The following DUOXA1 variants were observed in gnomAD, a reference collection of about 807,000 sequenced individuals.
DUOXA1 encodes the protein dual oxidase activator 1.
DUOXA1 carries 19 observed loss-of-function variants against 26.6 expected under a neutral mutation model. The observed-to-expected ratio is 0.71, with a 90% CI of 0.50 to 1.05. DUOXA1 has a LOEUF of 1.05. Ranked by LOEUF, DUOXA1 falls within the 50% of genes least tolerant of loss-of-function variation. DUOXA1 has a pLI of 0.00. For synonymous variants in DUOXA1, 166 were observed against 177.0 expected, an observed-to-expected ratio of 0.94 and a Z score of 0.49; for missense variants, 403 against 427.5, an observed-to-expected ratio of 0.94 and a Z score of 0.51.
chr15:45,117,666 A>T lies in DUOXA1; in HGVS notation c.*1440T>A, dbSNP rs954499576. On this transcript the variant is annotated 3_prime_UTR_variant, in exon 9 of 9. Transcript: ENST00000560572. ...AGAGTTCGAGACCAGCCTGGGCAAC[A>T]TAGCCCTGACTCCACATGCCCTCCT... 1.2e-6 allele frequency: 2 copies of T among 1,613,844 alleles called. No homozygotes were observed. The highest frequency in any genetic ancestry group is 2.2e-5 in the South Asian group (2 of 91,086).
chr15:45,128,899 G>A (rs1895915946), intron 3 of DUOXA1, 119 bp downstream of exon 3: 2 of 152,164 alleles, frequency 1.3e-5, no homozygotes, highest in East Asian at 3.9e-4. Flanking sequence ...AGCAGGAAGT[G>A]CAGCCCTAGG....
chr15:45,121,061 C>G (rs185842449), intron 6 of DUOXA1, 26 bp downstream of exon 6: 31 of 1,613,774 alleles, frequency 1.9e-5, no homozygotes, highest in South Asian at 1.8e-4. Context: ...CCTTCCCCCC[C>G]ACCACAGGTA....
At chr15:45,122,609 C>T (rs1387697030) in intron 4 of DUOXA1, among the ~76,000 whole-genome samples, 2 of 151,502 alleles carry the variant, frequency 1.3e-5, no homozygotes, top group Admixed American at 6.6e-5. Flanking sequence ...AGGCTGGCCT[C>T]GAACTCCTGG....
chr15:45,125,585 AAT>A (rs1025910850), intron 3 of DUOXA1, among the ~76,000 whole-genome samples: 1 of 152,036 alleles, frequency 6.6e-6, no homozygotes, highest in Non-Finnish European at 1.5e-5. Flanking sequence ...CTAAGTGTTA[AAT>A]CCAAAGGGCA....
At chr15:45,125,808 T>G (rs984587949) in intron 3 of DUOXA1, among the ~76,000 whole-genome samples, 1 of 152,212 alleles carries the variant, frequency 6.6e-6, no homozygotes, top group East Asian at 1.9e-4. Context: ...GGCTCTCTTC[T>G]TTTAGCAGTA....
At chr15:45,122,744 C>A in intron 4 of DUOXA1, 124 bp downstream of exon 4, 1 of 1,210,812 alleles carries the variant, frequency 8.3e-7, no homozygotes, top group South Asian at 1.7e-5. Flanking sequence ...TGCCTGGGGT[C>A]GTGGCTATCT....
At chr15:45,123,804 G>T (rs1484499616) in intron 3 of DUOXA1, among the ~76,000 whole-genome samples, 1 of 152,206 alleles carries the variant, frequency 6.6e-6, no homozygotes, top group Non-Finnish European at 1.5e-5. Flanking sequence ...AACGCTAGCT[G>T]TGGTCTTCTC....
intron 3 of DUOXA1, among the ~76,000 whole-genome samples, chr15:45,126,155 C>T (rs1048268137): frequency 2.0e-5 from 3 of 152,212 alleles, no homozygotes; most frequent in Non-Finnish European, 4.4e-5. Flanking sequence ...CCAAGCTCAT[C>T]CTCTCTTACC....
In DUOXA1 at chr15:45,120,245, T is replaced by C; in HGVS notation, c.630A>G (p.Leu210=). ...ACAGCTGGAAGATGCCCGTGGCCAA[T>C]AGCATGTAGCCACCATATACCAGCA... The part of the protein sequence containing the change: ...MPVLVYGGYM[L]LATGIFQLLA... Residue 210 remains leucine (L), a synonymous_variant, in exon 8 of 9, where the codon CTA becomes CTG. Coordinates refer to ENST00000560572, the MANE Select transcript of DUOXA1 (RefSeq NM_001276266.2). 1 of 1,614,024 alleles carries C rather than the reference T, an allele frequency of 6.2e-7. No homozygotes were observed. The highest frequency in any genetic ancestry group is 8.5e-7 in the Non-Finnish European group (1 of 1,179,968).
rs1895301960 is a variant in DUOXA1, at chr15:45,122,379, A to G, written c.148-137T>C. On this transcript the variant is annotated intron_variant, in intron 4 of 8. Coordinates refer to ENST00000560572, the MANE Select transcript of DUOXA1 (RefSeq NM_001276266.2). Reference sequence around the variant, plus strand: ...CAATTGAAATCAGAGTGTCTGGCACATAATAAGTGCTTATGTATTTATGTA... The same window carrying G: ...CAATTGAAATCAGAGTGTCTGGCACGTAATAAGTGCTTATGTATTTATGTA... 14 of 804,126 alleles carry G rather than the reference A, an allele frequency of 1.7e-5. 1 individual carries two copies. In the South Asian group the frequency reaches 2.1e-4, roughly 12 times the overall value. The allele number at this position is 804,126 out of a possible 1,614,324, so 49.8% of individuals were successfully genotyped here.
In DUOXA1 at chr15:45,118,758, C is replaced by T; in HGVS notation, c.*348G>A. ...ATAGGAGAATCATATGTAACCCCCACCCTGCTGGTGTTATGGGGGTGAAGT... is the reference window on the plus strand; with the variant it reads ...ATAGGAGAATCATATGTAACCCCCATCCTGCTGGTGTTATGGGGGTGAAGT... On this transcript the variant is annotated 3_prime_UTR_variant, in exon 9 of 9. Transcript: ENST00000560572. 3 of 1,029,466 alleles carry T rather than the reference C, an allele frequency of 2.9e-6. No individual in the cohort carries two copies. The South Asian group carries it at 1.4e-4, about 47-fold the overall frequency. The allele number at this position is 1,029,466 out of a possible 1,614,324, so 63.8% of individuals were successfully genotyped here.
In DUOXA1 at chr15:45,122,909, C is replaced by G; in HGVS notation, c.106G>C (p.Ala36Pro). The change falls in exon 4 of 9, where the codon GCC becomes CCC. Residue 36 changes from alanine to proline, a missense_variant. Ala to Pro is a conservative substitution (Grantham distance 27). Transcript: ENST00000560572. ...SIIMIFLTALATFIVILPGIR... is the reference protein window; with the variant it reads ...SIIMIFLTALPTFIVILPGIR... ...CCAGGCAGGATGACGATGAACGTGGCCAGTGCAGTCAGAAAGATCATGATG... is the reference window on the plus strand; with the variant it reads ...CCAGGCAGGATGACGATGAACGTGGGCAGTGCAGTCAGAAAGATCATGATG... The G allele has an allele frequency of 6.2e-7, 1 of 1,612,638 alleles. No individual in the cohort carries two copies. Among genetic ancestry groups the G allele is most frequent in the East Asian group, 2.2e-5 (1 of 44,816 alleles).
chr15:45,126,357 G>A (rs779562003), intron 3 of DUOXA1, among the ~76,000 whole-genome samples: 4 of 152,078 alleles, frequency 2.6e-5, no homozygotes, highest in East Asian at 1.9e-4. Flanking sequence ...AATCTGACAC[G>A]CTCTTTCAAG....
chr15:45,124,429 C>A (rs1453688462), intron 3 of DUOXA1, among the ~76,000 whole-genome samples: 1 of 152,144 alleles, frequency 6.6e-6, no homozygotes, highest in Non-Finnish European at 1.5e-5. Context: ...TTATCTCTTT[C>A]TTCAATCTCT....
intron 7 of DUOXA1, 126 bp from the exon 8 acceptor site, chr15:45,120,446 C>T: frequency 6.9e-7 from 1 of 1,455,554 alleles, no homozygotes; most frequent in Non-Finnish European, 9.6e-7. Flanking sequence ...GATTCCTTCC[C>T]ATGGACTTCC....
At chr15:45,120,545 G>T (rs772455041) in intron 7 of DUOXA1, 47 bp downstream of exon 7, 2 of 1,597,118 alleles carry the variant, frequency 1.3e-6, no homozygotes, top group Non-Finnish European at 1.7e-6. Context: ...CCCTGTTCCT[G>T]AATCTAGGCT....
chr15:45,123,967 G>C (rs1430486650), intron 3 of DUOXA1, among the ~76,000 whole-genome samples: 1 of 151,784 alleles, frequency 6.6e-6, no homozygotes, highest in Non-Finnish European at 1.5e-5. Flanking sequence ...AAATAAAGGG[G>C]AAAAAAAGTC....
chr15:45,117,861 C>T lies in DUOXA1; in HGVS notation c.*1245G>A, dbSNP rs374399422. Reference sequence around the variant, plus strand: ...CTCTTATCCTCGGCGACCCACTGCACAAGCAGGCCGCTCTCCCAGACTTAA... The same window carrying T: ...CTCTTATCCTCGGCGACCCACTGCATAAGCAGGCCGCTCTCCCAGACTTAA... On this transcript the variant is annotated 3_prime_UTR_variant, in exon 9 of 9. Transcript: ENST00000560572. 2 of 1,613,600 alleles carry T rather than the reference C, an allele frequency of 1.2e-6. No individual in the cohort carries two copies. The highest frequency in any genetic ancestry group is 1.7e-6 in the Non-Finnish European group (2 of 1,180,050).
chr15:45,119,977 C>A (rs942260511), intron 8 of DUOXA1, 126 bp downstream of exon 8: 1 of 1,079,854 alleles, frequency 9.3e-7, no homozygotes, highest in Non-Finnish European at 1.4e-6. Context: ...GAGGGTGGGA[C>A]TTTAAAGAGG....
Sources: gnomAD v4.1 joint callset for allele counts (sites outside exome capture counted in the v4.1 genomes callset) on GRCh38, gnomAD v4.1.1 for gene constraint, MANE v1.5 for transcripts, NCBI Gene and HGNC (gene_info 2026-07-23, HGNC 2026-07-21) for gene names.